JAZF1: variants seen among roughly 807,000 people sequenced by gnomAD.
JAZF1 encodes the protein JAZF zinc finger 1, also known as juxtaposed with another zinc finger protein 1.
Under a neutral mutation model 26.4 loss-of-function variants are expected in JAZF1, and 8 were observed. That is an observed-to-expected ratio of 0.30 (90% CI 0.18 to 0.55). The LOEUF (loss-of-function observed/expected upper bound fraction) is 0.55, where lower values mean the gene tolerates loss of function less well. Among genes scored for constraint, JAZF1 ranks in the 20% least tolerant of loss-of-function variants. The probability of loss-of-function intolerance (pLI) is 0.94; values close to 1 mark genes in which losing one functional copy is unlikely to be tolerated. For synonymous variants in JAZF1, 126 were observed against 122.3 expected (o/e 1.03, Z -0.20); for missense variants, 199 against 322.0 (o/e 0.62, Z 2.92).
At chr7:27,915,653 T>C (rs1259401115) in intron 2 of JAZF1, among the ~76,000 whole-genome samples, 1 of 152,198 alleles carries the variant, frequency 6.6e-6, no homozygotes, top group Non-Finnish European at 1.5e-5. Context: ...GTTGAAACAT[T>C]TGAAACAAGC....
At chr7:28,078,916 G>A (rs1784094662) in intron 1 of JAZF1, among the ~76,000 whole-genome samples, 3 of 151,980 alleles carry the variant, frequency 2.0e-5, no homozygotes, top group African/African-American at 7.3e-5. Context: ...CTGACTTTTA[G>A]AATTGGTAGG....
chr7:27,948,064 A>G (rs1784946231), intron 2 of JAZF1, among the ~76,000 whole-genome samples: 1 of 152,130 alleles, frequency 6.6e-6, no homozygotes, highest in African/African-American at 2.4e-5. Flanking sequence ...CAGATGGTCT[A>G]TGTGCCATAC....
intron 1 of JAZF1, among the ~76,000 whole-genome samples, chr7:28,057,820 G>A (rs1487360926): frequency 6.6e-6 from 1 of 152,062 alleles, no homozygotes; most frequent in Non-Finnish European, 1.5e-5. Context: ...ATTTGTTTAT[G>A]GCTTTTCTCT....
intron 2 of JAZF1, among the ~76,000 whole-genome samples, chr7:27,976,936 A>G (rs1218642497): frequency 6.6e-6 from 1 of 152,164 alleles, no homozygotes; most frequent in Non-Finnish European, 1.5e-5. Context: ...GAAAGCTTTC[A>G]TTAAGCAGCT....
intron 2 of JAZF1, among the ~76,000 whole-genome samples, chr7:27,909,002 T>TATTAATTC (rs1554274814): frequency 0.068 from 10,251 of 151,164 alleles, 371 homozygotes; most frequent in South Asian, 0.089. Flanking sequence ...ACTTGAATAA[T>TATTAATTC]ATTCATTCAT....
chr7:27,908,315 CTAA>C (rs760016472), intron 2 of JAZF1, among the ~76,000 whole-genome samples: 9 of 152,128 alleles, frequency 5.9e-5, no homozygotes, highest in Non-Finnish European at 1.2e-4. Flanking sequence ...AAATGAAGTA[CTAA>C]TAATAAGACA....
At chr7:27,979,920 C>T (rs910317707) in intron 2 of JAZF1, among the ~76,000 whole-genome samples, 2 of 152,194 alleles carry the variant, frequency 1.3e-5, no homozygotes, top group African/African-American at 4.8e-5. Context: ...ATAGGAATTA[C>T]TGGTTACCTC....
At chr7:28,095,026 C>T (rs1158735047) in intron 1 of JAZF1, among the ~76,000 whole-genome samples, 1 of 152,162 alleles carries the variant, frequency 6.6e-6, no homozygotes, top group Non-Finnish European at 1.5e-5. Context: ...CTGATACCCA[C>T]ATGTACCCCA....
intron 1 of JAZF1, among the ~76,000 whole-genome samples, chr7:28,146,485 G>A (rs1268815703): frequency 6.6e-6 from 1 of 152,180 alleles, no homozygotes; most frequent in African/African-American, 2.4e-5. Context: ...ATTAAGTACT[G>A]TAAGTACTAA....
In JAZF1 at chr7:27,955,928, A is replaced by T. The variant is rs548933430; in HGVS notation, c.188+35981T>A. Among the ~76,000 whole-genome samples, 263 of 152,252 alleles carry T rather than the reference A, an allele frequency of 1.7e-3. 1 individual carries two copies. Among genetic ancestry groups the T allele is most frequent in the African/African-American group, 6.2e-3 (258 of 41,540 alleles). On this transcript the variant is annotated intron_variant, in intron 2 of 4. Coordinates refer to ENST00000283928, the MANE Select transcript of JAZF1 (RefSeq NM_175061.4). ...TACCTACGACCTACAGCAGGTCCCA[A>T]ACTCAACCACAGACTCCTTCTTTGG...
At chr7:28,072,121 T>G (rs1050065966) in intron 1 of JAZF1, among the ~76,000 whole-genome samples, 3 of 152,230 alleles carry the variant, frequency 2.0e-5, no homozygotes, top group African/African-American at 7.2e-5. Flanking sequence ...TTGCATAAAT[T>G]GGATCTCATT....
intron 1 of JAZF1, among the ~76,000 whole-genome samples, chr7:28,027,141 C>G (rs1783107094): frequency 6.6e-6 from 1 of 152,172 alleles, no homozygotes; most frequent in Non-Finnish European, 1.5e-5. Context: ...CTGGAGAAAA[C>G]AGCCTGAATG....
chr7:28,176,895 G>C (rs1189182056), intron 1 of JAZF1, among the ~76,000 whole-genome samples: 2 of 151,800 alleles, frequency 1.3e-5, no homozygotes, highest in East Asian at 3.9e-4. Context: ...TAGTGCTCCT[G>C]GTGTTTCTAA....
chr7:27,848,594 A>G (rs2128333467), intron 3 of JAZF1, among the ~76,000 whole-genome samples: 1 of 152,330 alleles, frequency 6.6e-6, no homozygotes, highest in South Asian at 2.1e-4. Flanking sequence ...AGTAGGGTGG[A>G]GAGTCAGCCC....
At chr7:28,120,498 G>GTTTTT (rs1345204155) in intron 1 of JAZF1, among the ~76,000 whole-genome samples, 46 of 40,986 alleles carry the variant, frequency 1.1e-3, no homozygotes, top group Non-Finnish European at 1.8e-3. Flanking sequence ...GCCACACACA[G>GTTTTT]TTCTTTTTTT....
intron 2 of JAZF1, among the ~76,000 whole-genome samples, chr7:27,976,512 T>TA (rs1429649951): frequency 5.4e-4 from 82 of 152,270 alleles, no homozygotes; most frequent in African/African-American, 1.9e-3. Flanking sequence ...GCACGATGCC[T>TA]GGTGATTGAG....
At chr7:28,042,164 G>A (rs1583525950) in intron 1 of JAZF1, among the ~76,000 whole-genome samples, 1 of 152,242 alleles carries the variant, frequency 6.6e-6, no homozygotes, top group South Asian at 2.1e-4. Context: ...GAGAGATGGT[G>A]ACAATATTTC....
At chr7:27,960,374 T>C (rs1785167511) in intron 2 of JAZF1, among the ~76,000 whole-genome samples, 1 of 152,266 alleles carries the variant, frequency 6.6e-6, no homozygotes, top group African/African-American at 2.4e-5. Context: ...TTATCTTGTG[T>C]GCACAATTTC....
intron 1 of JAZF1, among the ~76,000 whole-genome samples, chr7:28,099,770 C>A (rs1446834167): frequency 6.6e-6 from 1 of 152,232 alleles, no homozygotes; most frequent in East Asian, 1.9e-4. Flanking sequence ...TCCACCGCGC[C>A]TGGCCTTTTA....
Sources: allele counts gnomAD v4.1 joint callset (sites outside exome capture counted in the v4.1 genomes callset), GRCh38; gene constraint gnomAD v4.1.1; transcripts MANE v1.5; gene names NCBI Gene and HGNC (gene_info 2026-07-23, HGNC 2026-07-21).